Variants in PRKCQ observed in about 807,000 individuals in gnomAD.
PRKCQ encodes the protein protein kinase C theta.
In PRKCQ, 41 loss-of-function variants were observed where a neutral mutation model predicts 91.2. The ratio of observed to expected loss-of-function variants is 0.45; its 90% CI spans 0.35 to 0.58. The LOEUF (loss-of-function observed/expected upper bound fraction) is 0.58. PRKCQ is among the 20% of genes least tolerant of loss of function. The pLI is 0.00. For missense variants in PRKCQ, 673 were observed against 896.5 expected, an observed-to-expected ratio of 0.75 and a Z score of 3.18; for synonymous variants, 307 against 316.9, an observed-to-expected ratio of 0.97 and a Z score of 0.33.
At chr10:6,519,192 TG>T (rs1442231150) in intron 1 of PRKCQ, among the ~76,000 whole-genome samples, 1 of 152,244 alleles carries the variant, frequency 6.6e-6, no homozygotes, top group East Asian at 1.9e-4. Flanking sequence ...GGGATTTCCC[TG>T]GGTGTTTAAC....
intron 11 of PRKCQ, among the ~76,000 whole-genome samples, chr10:6,482,395 A>G (rs1360016714): frequency 6.6e-6 from 1 of 152,212 alleles, no homozygotes; most frequent in East Asian, 1.9e-4. Context: ...CGGGAGGTCA[A>G]GACCAGCCTG....
chr10:6,440,301 G>A (rs1460520245), intron 16 of PRKCQ, among the ~76,000 whole-genome samples: 1 of 152,232 alleles, frequency 6.6e-6, no homozygotes, highest in African/African-American at 2.4e-5. Context: ...AACAGTGAGA[G>A]AGTCTTGCAG....
At chr10:6,482,977 A>G (rs1002200831) in intron 11 of PRKCQ, among the ~76,000 whole-genome samples, 1 of 152,120 alleles carries the variant, frequency 6.6e-6, no homozygotes, top group Non-Finnish European at 1.5e-5. Flanking sequence ...TTGGGTGGGG[A>G]CACAGAGCCG....
At chr10:6,522,781 GAAGA>G (rs1839064880) in intron 1 of PRKCQ, among the ~76,000 whole-genome samples, 1 of 152,132 alleles carries the variant, frequency 6.6e-6, no homozygotes, top group African/African-American at 2.4e-5. Context: ...CTCACATGTG[GAAGA>G]AAGAACACAG....
At chr10:6,401,235 G>C in the PRKCQ span, among the ~76,000 whole-genome samples, 1 of 152,128 alleles carries the variant, frequency 6.6e-6, no homozygotes, top group African/African-American at 2.4e-5. Context: ...GGAAAACATT[G>C]CAACCTGCCG....
At chr10:6,448,902 G>C (rs1383936001) in intron 15 of PRKCQ, among the ~76,000 whole-genome samples, 1 of 152,102 alleles carries the variant, frequency 6.6e-6, no homozygotes. Flanking sequence ...CTAACAAACA[G>C]AAAGGACATC....
chr10:6,470,678 C>T (rs561311095), intron 12 of PRKCQ, among the ~76,000 whole-genome samples: 36 of 152,178 alleles, frequency 2.4e-4, no homozygotes, highest in Admixed American at 7.2e-4. Context: ...AGGCCAAGCG[C>T]GGTGGCTCAT....
chr10:6,536,499 A>G (rs1311728547), intron 1 of PRKCQ, among the ~76,000 whole-genome samples: 1 of 151,264 alleles, frequency 6.6e-6, no homozygotes, highest in Non-Finnish European at 1.5e-5. Context: ...TAAGAAGCAG[A>G]CAAGGCTATA....
At chr10:6,550,949 G>C (rs780333156) in intron 1 of PRKCQ, among the ~76,000 whole-genome samples, 1 of 152,122 alleles carries the variant, frequency 6.6e-6, no homozygotes, top group Non-Finnish European at 1.5e-5. Flanking sequence ...TCTCTAATGG[G>C]ATTATAATTT....
At chr10:6,452,559 T>C (rs1350469804) in intron 15 of PRKCQ, among the ~76,000 whole-genome samples, 5 of 150,064 alleles carry the variant, frequency 3.3e-5, no homozygotes, top group South Asian at 2.1e-4. Flanking sequence ...CTTCACAGAA[T>C]TGGAAAAAAC....
intron 1 of PRKCQ, among the ~76,000 whole-genome samples, chr10:6,531,487 C>A (rs1372144881): frequency 6.6e-6 from 1 of 151,240 alleles, no homozygotes; most frequent in Non-Finnish European, 1.5e-5. Context: ...CCAAGCACCC[C>A]CCCAAAACCA....
rs1213727898 is a variant in PRKCQ, at chr10:6,515,009, C to G, written c.118+9G>C. ...TCCTCCCCCGCTTTGAAAATCCCCT[C>G]AAGCTTACCTGATTCGACATACTCT... is the stretch of plus-strand genomic sequence containing the variant. On this transcript the variant is annotated intron_variant, in intron 2 of 17. Transcript: ENST00000263125. The G allele has an allele frequency of 6.2e-7, 1 of 1,612,748 alleles. No individual in the cohort carries two copies. The highest frequency in any genetic ancestry group is 1.7e-5 in the Admixed American group (1 of 60,006).
At chr10:6,454,475 A>T (rs1450404765) in intron 15 of PRKCQ, among the ~76,000 whole-genome samples, 1 of 152,030 alleles carries the variant, frequency 6.6e-6, no homozygotes, top group East Asian at 1.9e-4. Flanking sequence ...AGTTTAGGGC[A>T]GTGAATGGAC....
At chr10:6,394,915 C>T in the PRKCQ span, among the ~76,000 whole-genome samples, 3 of 152,174 alleles carry the variant, frequency 2.0e-5, no homozygotes, top group African/African-American at 4.8e-5. Flanking sequence ...TGTGCCGGAA[C>T]GGTGCGACCT....
chr10:6,448,167 G>A (rs576500464), intron 15 of PRKCQ, among the ~76,000 whole-genome samples: 1 of 152,314 alleles, frequency 6.6e-6, no homozygotes, highest in East Asian at 1.9e-4. Context: ...GTTTATTCAG[G>A]AAGGAGCTGA....
At chr10:6,540,466 G>A (rs967030316) in intron 1 of PRKCQ, among the ~76,000 whole-genome samples, 5 of 152,092 alleles carry the variant, frequency 3.3e-5, no homozygotes, top group Admixed American at 1.3e-4. Context: ...TAGGAACCTC[G>A]TATAAGTGGA....
In PRKCQ at chr10:6,558,815, CAG is replaced by C. The variant is rs2130950237; in HGVS notation, c.-10+21394_-10+21395del. The stretch of plus-strand genomic sequence containing the variant: ...GTTAGGAAGATTTGGGGAAAATTCT[CAG>C]AGACAGTCTTTATCCTTAGGGTGTA... On this transcript the variant is annotated intron_variant, in intron 1 of 17. Coordinates refer to ENST00000263125, the MANE Select transcript of PRKCQ (RefSeq NM_006257.5). Among the ~76,000 whole-genome samples the C allele has an allele frequency of 2.0e-5, 3 of 152,286 alleles. 1 individual carries two copies. Among genetic ancestry groups the C allele is most frequent in the African/African-American group, 7.2e-5 (3 of 41,552 alleles).
At chr10:6,468,943 C>G (rs1260440575) in intron 12 of PRKCQ, among the ~76,000 whole-genome samples, 1 of 152,148 alleles carries the variant, frequency 6.6e-6, no homozygotes, top group Non-Finnish European at 1.5e-5. Flanking sequence ...GGGGAGCTAT[C>G]GTTCATATTT....
At chr10:6,449,654 A>C (rs1385818977) in intron 15 of PRKCQ, among the ~76,000 whole-genome samples, 2 of 152,134 alleles carry the variant, frequency 1.3e-5, no homozygotes, top group Admixed American at 1.3e-4. Flanking sequence ...AGTTGAAATG[A>C]AGGAAAAAAT....
Sources: gnomAD v4.1 joint callset for allele counts (sites outside exome capture counted in the v4.1 genomes callset) on GRCh38, gnomAD v4.1.1 for gene constraint, MANE v1.5 for transcripts, NCBI Gene and HGNC (gene_info 2026-07-23, HGNC 2026-07-21) for gene names.